C2: variants seen among roughly 807,000 people sequenced by gnomAD.
C2 encodes complement C2.
In C2, 64 loss-of-function variants were observed where a neutral mutation model predicts 85.2. That is an observed-to-expected ratio of 0.75 (90% CI 0.61 to 0.92). The LOEUF (loss-of-function observed/expected upper bound fraction) is 0.92, where lower values mean the gene tolerates loss of function less well. C2 is among the 40% of genes least tolerant of loss of function. The pLI, the probability that C2 is intolerant of heterozygous loss-of-function variation, is 0.00. For missense variants in C2, 820 were observed against 971.6 expected, an observed-to-expected ratio of 0.84 and a Z score of 2.07; for synonymous variants, 311 against 370.8, an observed-to-expected ratio of 0.84 and a Z score of 1.85.
At chr6:31,938,887 A>G (rs1263179147) in intron 8 of C2, among the ~76,000 whole-genome samples, 1 of 152,212 alleles carries the variant, frequency 6.6e-6, no homozygotes, top group African/African-American at 2.4e-5. Flanking sequence ...TCCCAACCTC[A>G]GGTGATCCAC....
In C2 at chr6:31,945,154, A is replaced by G; in HGVS notation, c.2080-24A>G. ...ACAGTTGGGGCTGTGGCAGCCTCCC[A>G]GCCAGTTCTCTCCTTTTCTCCAGGT... is the stretch of plus-strand genomic sequence containing the variant. On this transcript the variant is annotated intron_variant, in intron 17 of 17. Transcript: ENST00000299367. The surrounding 1 kb of genome is among the most constrained non-coding windows in gnomAD (Gnocchi z 5.3). 1 of 1,612,574 alleles carries G rather than the reference A, an allele frequency of 6.2e-7. No individual in the cohort carries two copies. The highest frequency in any genetic ancestry group is 8.5e-7 in the Non-Finnish European group (1 of 1,179,696).
intron 1 of C2, among the ~76,000 whole-genome samples, chr6:31,903,705 C>G (rs1767537140): frequency 6.6e-6 from 1 of 152,026 alleles, no homozygotes; most frequent in African/African-American, 2.4e-5. Context: ...CAGCATCCAC[C>G]CATAAAAAGT....
chr6:31,939,928 CA>C (rs1009180905), intron 9 of C2, among the ~76,000 whole-genome samples: 15 of 152,044 alleles, frequency 9.9e-5, no homozygotes, highest in African/African-American at 3.1e-4. Flanking sequence ...AGGTGTGTGC[CA>C]CCATGCCCGG....
chr6:31,900,798 G>T (rs1168907792), upstream of C2: 1 of 1,598,154 alleles, frequency 6.3e-7, no homozygotes, highest in South Asian at 1.1e-5. This position sits in a 1 kb window ranked among gnomAD's most constrained non-coding sequence, Gnocchi z 9.7. Context: ...GGTAGAGGAG[G>T]TGGGGGTGGG....
chr6:31,900,784 AGGGGGTAGAGGAGGT>A (rs1254874947), upstream of C2: 1 of 981,734 alleles, frequency 1.0e-6, no homozygotes, highest in South Asian at 1.3e-5. This position sits in a 1 kb window ranked among gnomAD's most constrained non-coding sequence, Gnocchi z 9.7. Context: ...GCAGGAGTGG[AGGGGGTAGAGGAGGT>A]GGGGGTGGGG....
At chr6:31,924,936 A>G (rs546140582), upstream of C2, among the ~76,000 whole-genome samples, 5 of 152,242 alleles carry the variant, frequency 3.3e-5, no homozygotes, top group East Asian at 3.9e-4. Context: ...GCTTTGACCA[A>G]TAGAATGTGG....
Position 31,943,132 on chromosome 6 carries a change from G to A in C2, c.1360+33G>A. The A allele has an allele frequency of 6.2e-7, 1 of 1,612,880 alleles. No individual in the cohort carries two copies. The highest frequency in any genetic ancestry group is 2.2e-5 in the East Asian group (1 of 44,878). On this transcript the variant is annotated intron_variant, in intron 10 of 17. Coordinates refer to ENST00000299367, the MANE Select transcript of C2 (RefSeq NM_000063.6). This position sits in a 1 kb window ranked among gnomAD's most constrained non-coding sequence, Gnocchi z 6.4. ...AGCTTTGCCCTCCTTGGTGTGGGGA[G>A]GATGGTGAGGAGCCCGCCAGAGGCC...
intron 7 of C2, 81 bp from the exon 8 acceptor site, chr6:31,937,238 T>G: frequency 7.0e-7 from 1 of 1,421,710 alleles, no homozygotes; most frequent in Admixed American, 1.8e-5. Flanking sequence ...TTTCCAATAA[T>G]TGGGGGAATA....
rs45507391 is a variant in C2 at position 31,944,996 on chromosome 6, A to G, written c.2046A>G (p.Ala682=). 1,835 of 1,613,054 alleles carry G rather than the reference A, an allele frequency of 1.1e-3. 16 individuals are homozygous for G. In the East Asian group the frequency reaches 0.014, roughly 13 times the overall value. The part of the protein sequence containing the change: ...ESPCKGESGG[A]VFLERRFRFF... ...TGCTGGCAGGAGAATCTGGGGGAGC[A>G]GTTTTCCTTGAGCGGAGATTCAGGT... Residue 682 remains alanine (A), a synonymous_variant, in exon 17 of 18, where the codon GCA becomes GCG. Transcript: ENST00000299367. This position sits in a 1 kb window ranked among gnomAD's most constrained non-coding sequence, Gnocchi z 5.1.
upstream of C2, among the ~76,000 whole-genome samples, chr6:31,916,664 C>T (rs913133137): frequency 6.6e-6 from 1 of 151,726 alleles, no homozygotes; most frequent in Non-Finnish European, 1.5e-5. Context: ...ACGCTTTCCA[C>T]CTGAAGGACA....
At chr6:31,909,879 T>G (rs1232306769) in intron 1 of C2, among the ~76,000 whole-genome samples, 2 of 151,948 alleles carry the variant, frequency 1.3e-5, no homozygotes, top group Non-Finnish European at 2.9e-5. Flanking sequence ...TCTGTTTTTT[T>G]TTGTTTTTTG....
chr6:31,936,314 C>A, intron 7 of C2: 1 of 521,238 alleles, frequency 1.9e-6, no homozygotes, highest in Non-Finnish European at 3.5e-6. Flanking sequence ...TTGCCAAAAC[C>A]ACACTGTCTG....
At chr6:31,924,258 G>A (rs2151734791), upstream of C2, among the ~76,000 whole-genome samples, 1 of 152,342 alleles carries the variant, frequency 6.6e-6, no homozygotes, top group South Asian at 2.1e-4. Flanking sequence ...AGGTATATCA[G>A]TTAGACATGG....
In C2 at chr6:31,943,535, AG is replaced by A; in HGVS notation, c.1567+12del. The A allele has an allele frequency of 6.2e-7, 1 of 1,609,246 alleles. No individual in the cohort carries two copies. Among genetic ancestry groups the A allele is most frequent in the Non-Finnish European group, 8.5e-7 (1 of 1,176,588 alleles). On this transcript the variant is annotated intron_variant, in intron 12 of 17. Transcript: ENST00000299367. This position sits in a 1 kb window ranked among gnomAD's most constrained non-coding sequence, Gnocchi z 6.4. ...TGTGGAGGGTCAATGTGGGTAAGGC[AG>A]GGGATGCACCAGCCTCCTGATCCTG...
intron 1 of C2, among the ~76,000 whole-genome samples, chr6:31,905,391 T>C (rs1452299198): frequency 1.3e-5 from 2 of 151,424 alleles, no homozygotes; most frequent in Admixed American, 6.6e-5. Context: ...TGAACCATGA[T>C]AGTGCCACTG....
intron 7 of C2, chr6:31,937,086 GTAA>G: frequency 1.9e-6 from 1 of 532,624 alleles, no homozygotes; most frequent in South Asian, 2.1e-5. Flanking sequence ...GCTGGCACCT[GTAA>G]TCCCAGCTAC....
chr6:31,913,047 A>G (rs994435554), intron 1 of C2, among the ~76,000 whole-genome samples: 2 of 151,666 alleles, frequency 1.3e-5, no homozygotes, highest in Non-Finnish European at 2.9e-5. Flanking sequence ...AAAAAAAAAA[A>G]AAAAAAGATG....
chr6:31,945,486 T>C lies in C2; in HGVS notation c.*129T>C. On this transcript the variant is annotated 3_prime_UTR_variant, in exon 18 of 18. Coordinates refer to ENST00000299367, the MANE Select transcript of C2 (RefSeq NM_000063.6). The surrounding 1 kb of genome is among the most constrained non-coding windows in gnomAD (Gnocchi z 5.3). ...GCTGAGTAAATCCGGGTCTCTAGGATGCCAGAGGCAGCGCACACAAGCTGG... is the reference window on the plus strand; with the variant it reads ...GCTGAGTAAATCCGGGTCTCTAGGACGCCAGAGGCAGCGCACACAAGCTGG... 1.1e-6 allele frequency: 1 copy of C among 919,076 alleles called. No homozygotes were observed. The highest frequency in any genetic ancestry group is 2.5e-5 in the East Asian group (1 of 39,718). The allele number at this position is 919,076 out of a possible 1,614,324, so 56.9% of individuals were successfully genotyped here. A position where few individuals can be genotyped will look rare whatever the true frequency, so the allele number is the denominator to read the frequency against.
At position 31,928,009 on chromosome 6, in the gene C2, C is replaced by G. The variant is rs769289608; in HGVS notation, c.101C>G (p.Thr34Ser). The G allele has an allele frequency of 3.7e-6, 6 of 1,614,066 alleles. No individual in the cohort carries two copies. In the African/African-American group the frequency reaches 8.0e-5, roughly 22 times the overall value. The stretch of plus-strand genomic sequence containing the variant: ...CAGAACGTGAATATCTCGGGTGGCA[C>G]CTTCACCCTCAGCCATGGCTGGGCT... ...CPQNVNISGG[T>S]FTLSHGWAPG... The change falls in exon 2 of 18, where the codon ACC becomes AGC. Residue 34 changes from threonine (T) to serine (S), a missense_variant. Transcript: ENST00000299367.
Sources: allele counts gnomAD v4.1 joint callset (sites outside exome capture counted in the v4.1 genomes callset), GRCh38; gene constraint gnomAD v4.1.1; non-coding constraint Gnocchi (gnomAD v3.1); transcripts MANE v1.5; gene names NCBI Gene and HGNC (gene_info 2026-07-23, HGNC 2026-07-21).